Variants in KCNIP4 observed in about 807,000 individuals in gnomAD.
The protein encoded by KCNIP4 is Kv channel-interacting protein 4.
A neutral mutation model predicts 34.0 loss-of-function variants in KCNIP4; 12 were observed. That is an observed-to-expected ratio of 0.35 (90% CI 0.23 to 0.57). KCNIP4 has a LOEUF of 0.57. KCNIP4 is among the 20% of genes least tolerant of loss of function. KCNIP4 has a pLI of 0.83. For missense variants in KCNIP4, 238 were observed against 311.7 expected, an observed-to-expected ratio of 0.76 and a Z score of 1.78; for synonymous variants, 124 against 102.2, an observed-to-expected ratio of 1.21 and a Z score of -1.29.
intron 1 of KCNIP4, among the ~76,000 whole-genome samples, chr4:21,618,446 T>C (rs1472473435): frequency 6.6e-6 from 1 of 151,984 alleles, no homozygotes; most frequent in African/African-American, 2.4e-5. Context: ...ATAAGCAAAA[T>C]AGACAAAGTA....
At chr4:21,888,060 A>G (rs1295350390) in intron 1 of KCNIP4, among the ~76,000 whole-genome samples, 1 of 152,108 alleles carries the variant, frequency 6.6e-6, no homozygotes, top group East Asian at 1.9e-4. Context: ...TTGTCACAAC[A>G]ACTTTATGAC....
chr4:21,482,961 A>T (rs1205547131), intron 1 of KCNIP4, among the ~76,000 whole-genome samples: 1 of 151,832 alleles, frequency 6.6e-6, no homozygotes, highest in Admixed American at 6.6e-5. Flanking sequence ...GAAGCTGGAA[A>T]CCATCATTCT....
rs147228601 is a variant in KCNIP4, at chr4:21,211,980, G to A, written c.62-329271C>T. 1.3e-3 allele frequency among the ~76,000 whole-genome samples: 194 copies of A among 152,202 alleles called. 2 individuals are homozygous for A. Among genetic ancestry groups the A allele is most frequent in the East Asian group, 6.2e-3 (32 of 5,164 alleles). ...GGGAGGAGCCAACCCCCTTGATAAA[G>A]ACATGAGGGGGACTTGCCCATCAAC... On this transcript the variant is annotated intron_variant, in intron 1 of 8. Coordinates refer to ENST00000382152, the MANE Select transcript of KCNIP4 (RefSeq NM_025221.6).
chr4:21,219,506 C>T (rs1318166133), intron 1 of KCNIP4, among the ~76,000 whole-genome samples: 1 of 151,996 alleles, frequency 6.6e-6, no homozygotes, highest in Admixed American at 6.6e-5. Flanking sequence ...CTATAAAGCC[C>T]AAGAGCAAAG....
At position 21,016,634 on chromosome 4, in the gene KCNIP4, A is replaced by C. The variant is rs183435055; in HGVS notation, c.62-133925T>G. On this transcript the variant is annotated intron_variant, in intron 1 of 8. Transcript: ENST00000382152. ...TTTTATTTTTATTTTTTTCGGATGG[A>C]GTCTCACTCACACGGTTGCCTAGGC... Among the ~76,000 whole-genome samples the C allele has an allele frequency of 1.9e-3, 290 of 151,856 alleles. 6 individuals carry two copies. The South Asian group carries it at 0.053, about 28-fold the overall frequency.
At chr4:21,845,379 T>C (rs936482049) in intron 1 of KCNIP4, 1 of 152,134 alleles carries the variant, frequency 6.6e-6, no homozygotes, top group African/African-American at 2.4e-5. Context: ...CAAGTAACAA[T>C]ATTATTCTTC....
chr4:20,951,389 G>C (rs1300553146), intron 1 of KCNIP4, among the ~76,000 whole-genome samples: 2 of 152,270 alleles, frequency 1.3e-5, no homozygotes, highest in East Asian at 3.9e-4. Context: ...TTTGGTAGAA[G>C]TATTAGATGA....
At chr4:21,364,667 T>C (rs1719555034) in intron 1 of KCNIP4, among the ~76,000 whole-genome samples, 1 of 151,998 alleles carries the variant, frequency 6.6e-6, no homozygotes, top group South Asian at 2.1e-4. Context: ...ACCTATATTA[T>C]GGAACAGTAG....
At chr4:21,660,203 A>G (rs1325763321) in intron 1 of KCNIP4, among the ~76,000 whole-genome samples, 2 of 151,950 alleles carry the variant, frequency 1.3e-5, no homozygotes, top group Admixed American at 1.3e-4. Flanking sequence ...TGTCCTCCTT[A>G]TTTATATATA....
At chr4:21,412,013 G>A (rs764574018) in intron 1 of KCNIP4, among the ~76,000 whole-genome samples, 6 of 152,112 alleles carry the variant, frequency 3.9e-5, no homozygotes, top group Non-Finnish European at 8.8e-5. Context: ...TTATCCCCAC[G>A]TATGGGGCAC....
chr4:20,759,039 C>T, intron 3 of KCNIP4, 149 bp from the exon 4 acceptor site: 1 of 581,746 alleles, frequency 1.7e-6, no homozygotes, highest in Non-Finnish European at 3.0e-6. Context: ...TAAAAGCACA[C>T]TATAAACTTA....
chr4:21,616,876 A>C (rs1292594422), intron 1 of KCNIP4, among the ~76,000 whole-genome samples: 1 of 152,174 alleles, frequency 6.6e-6, no homozygotes, highest in Non-Finnish European at 1.5e-5. Flanking sequence ...CTTATTTATA[A>C]ATAAGATTAC....
chr4:21,392,015 C>T (rs578229596), intron 1 of KCNIP4, among the ~76,000 whole-genome samples: 2 of 152,290 alleles, frequency 1.3e-5, no homozygotes, highest in African/African-American at 4.8e-5. Flanking sequence ...ACCTCACCAG[C>T]AAGCACATTC....
At chr4:21,308,512 G>C (rs980640621) in intron 1 of KCNIP4, among the ~76,000 whole-genome samples, 5 of 152,122 alleles carry the variant, frequency 3.3e-5, no homozygotes, top group African/African-American at 4.8e-5. Context: ...GAAGCCAGTG[G>C]GGCTGATAGC....
chr4:21,835,461 A>G (rs1723259463), intron 1 of KCNIP4, among the ~76,000 whole-genome samples: 1 of 152,072 alleles, frequency 6.6e-6, no homozygotes, highest in Non-Finnish European at 1.5e-5. Flanking sequence ...AAGCTGTCCA[A>G]TACTAACCTT....
intron 1 of KCNIP4, among the ~76,000 whole-genome samples, chr4:21,616,134 C>T (rs1744585833): frequency 6.6e-6 from 1 of 152,162 alleles, no homozygotes; most frequent in African/African-American, 2.4e-5. Flanking sequence ...TCCTTCTGCC[C>T]TTCCTCTTGC....
chr4:21,451,120 T>C lies in KCNIP4; in HGVS notation c.61+497451A>G, dbSNP rs569552824. On this transcript the variant is annotated intron_variant, in intron 1 of 8. Transcript: ENST00000382152. ...GGGTAATGGAAATTCAATGTCCTAG[T>C]CACAGGCAGTGGGGGAATTTTCTTA... 3.9e-5 allele frequency among the ~76,000 whole-genome samples: 6 copies of C among 152,280 alleles called. No individual in the cohort carries two copies. In the South Asian group the frequency reaches 1.0e-3, roughly 26 times the overall value.
chr4:21,934,887 G>T (rs987509817), intron 1 of KCNIP4, among the ~76,000 whole-genome samples: 1 of 152,116 alleles, frequency 6.6e-6, no homozygotes, highest in African/African-American at 2.4e-5. Flanking sequence ...AAAATTGCTT[G>T]AGTGTCCCTC....
At chr4:21,773,188 A>C (rs950570426) in intron 1 of KCNIP4, among the ~76,000 whole-genome samples, 1 of 152,172 alleles carries the variant, frequency 6.6e-6, no homozygotes, top group African/African-American at 2.4e-5. Flanking sequence ...GGAGTCATTC[A>C]AGAGCAGGCT....
Sources: allele counts gnomAD v4.1 joint callset (sites outside exome capture counted in the v4.1 genomes callset), GRCh38; gene constraint gnomAD v4.1.1; transcripts MANE v1.5; gene names NCBI Gene and HGNC (gene_info 2026-07-23, HGNC 2026-07-21).